SH3KBP1: variants seen among roughly 807,000 people sequenced by gnomAD.
The protein encoded by SH3KBP1 is SH3 domain containing kinase binding protein 1, also known as SH3 domain-containing kinase-binding protein 1.
In SH3KBP1, 8 loss-of-function variants were observed where a neutral mutation model predicts 50.1. The ratio of observed to expected loss-of-function variants is 0.16; its 90% CI spans 0.09 to 0.29. SH3KBP1 has a LOEUF of 0.29. Among genes scored for constraint, SH3KBP1 ranks in the 10% least tolerant of loss-of-function variants. The pLI, the probability that SH3KBP1 is intolerant of heterozygous loss-of-function variation, is 1.00. For synonymous variants in SH3KBP1, 227 were observed against 218.6 expected (o/e 1.04, Z -0.34); for missense variants, 377 against 535.2 (o/e 0.70, Z 2.92).
intron 13 of SH3KBP1, among the ~76,000 whole-genome samples, chrX:19,561,106 T>C (rs1214174867): frequency 9.5e-6 from 1 of 105,398 alleles, no homozygotes; most frequent in African/African-American, 3.5e-5. Context: ...AGCAGTCTGA[T>C]ACTCATAATA....
intron 2 of SH3KBP1, among the ~76,000 whole-genome samples, chrX:19,785,518 A>C (rs2066319105): frequency 9.0e-6 from 1 of 111,344 alleles, no homozygotes; most frequent in Non-Finnish European, 1.9e-5. Flanking sequence ...ACAGAGTGAG[A>C]CCCTGTCTCA....
chrX:19,768,191 G>A (rs1024870571), intron 2 of SH3KBP1, among the ~76,000 whole-genome samples: 2 of 108,973 alleles, frequency 1.8e-5, no homozygotes, highest in African/African-American at 6.7e-5. Flanking sequence ...CAGCTATCTT[G>A]TTGCTGTCTG....
chrX:19,681,527 A>C (rs1391784516), intron 6 of SH3KBP1, among the ~76,000 whole-genome samples: 1 of 112,664 alleles, frequency 8.9e-6, no homozygotes, highest in African/African-American at 3.2e-5. Context: ...AACAAAAATA[A>C]ATCTGTTAGA....
chrX:19,681,582 G>C (rs892932351), intron 6 of SH3KBP1, among the ~76,000 whole-genome samples: 7 of 111,632 alleles, frequency 6.3e-5, no homozygotes, highest in Non-Finnish European at 9.4e-5. Context: ...TACCAGGAAG[G>C]GGGATGGGGT....
At position 19,846,580 on chromosome X, in the gene SH3KBP1, C is replaced by T. The variant is rs201743829; in HGVS notation, c.5-10298G>A. ...ACAAGTGCCTGATTAGAAAGAGATC[C>T]CCTGTTTTTCTCAGTGAGAAGATCC... On this transcript the variant is annotated intron_variant, in intron 1 of 17. Transcript: ENST00000397821. 4.5e-5 allele frequency among the ~76,000 whole-genome samples: 5 copies of T among 111,455 alleles called. No homozygotes were observed. In the East Asian group the frequency reaches 1.4e-3, roughly 31 times the overall value.
At chrX:19,670,283 G>A in intron 6 of SH3KBP1, 3 of 684,244 alleles carry the variant, frequency 4.4e-6, no homozygotes, top group Non-Finnish European at 5.2e-6. Context: ...AAAAAAAGCA[G>A]TTCAATAGCA....
intron 3 of SH3KBP1, among the ~76,000 whole-genome samples, chrX:19,735,776 T>G (rs1603151915): frequency 3.3e-5 from 3 of 89,743 alleles, no homozygotes; most frequent in Admixed American, 1.3e-4. Flanking sequence ...CAGGCTGGAG[T>G]GCAGCGGCGC....
At chrX:19,726,785 C>G (rs1443289644) in intron 3 of SH3KBP1, among the ~76,000 whole-genome samples, 1 of 112,280 alleles carries the variant, frequency 8.9e-6, no homozygotes, top group African/African-American at 3.2e-5. Flanking sequence ...TGTTCTCTCT[C>G]TTTTCTCCAC....
chrX:19,792,396 T>C (rs2066558282), intron 2 of SH3KBP1, among the ~76,000 whole-genome samples: 1 of 111,334 alleles, frequency 9.0e-6, no homozygotes, highest in East Asian at 2.8e-4. Context: ...ATTCTGCATA[T>C]GTATATTTTG....
intron 1 of SH3KBP1, among the ~76,000 whole-genome samples, chrX:19,838,153 GA>G (rs2068112807): frequency 8.9e-6 from 1 of 111,999 alleles, no homozygotes; most frequent in Admixed American, 9.4e-5. Flanking sequence ...GATGATGGGA[GA>G]AAAAAATTAC....
At chrX:19,844,334 C>T (rs1249585743) in intron 1 of SH3KBP1, among the ~76,000 whole-genome samples, 2 of 111,847 alleles carry the variant, frequency 1.8e-5, no homozygotes, top group African/African-American at 6.5e-5. Flanking sequence ...CACCATACGA[C>T]ACCAGGAGTG....
chrX:19,672,255 A>G (rs2062815807), intron 6 of SH3KBP1, among the ~76,000 whole-genome samples: 1 of 111,887 alleles, frequency 8.9e-6, no homozygotes. Flanking sequence ...GAATAAACAA[A>G]TCTCCTGTGT....
chrX:19,728,168 T>C lies in SH3KBP1; in HGVS notation c.286+18150A>G, dbSNP rs761748060. Among the ~76,000 whole-genome samples, 8 of 111,822 alleles carry C rather than the reference T, an allele frequency of 7.2e-5. No individual in the cohort carries two copies. The South Asian group carries it at 2.2e-3, about 31-fold the overall frequency. ...AGAAAAGCTTGGGACCAGAAGTGTC[T>C]TGGATTTCAGATTTTTTTTTCATGT... On this transcript the variant is annotated intron_variant, in intron 3 of 17. Coordinates refer to ENST00000397821, the MANE Select transcript of SH3KBP1 (RefSeq NM_031892.3).
intron 12 of SH3KBP1, among the ~76,000 whole-genome samples, chrX:19,575,300 C>CA (rs35106807): frequency 8.9e-6 from 1 of 112,104 alleles, no homozygotes; most frequent in Admixed American, 9.4e-5. Context: ...AGCTGTCCCT[C>CA]AAGTGGCATT....
intron 1 of SH3KBP1, among the ~76,000 whole-genome samples, chrX:19,840,850 T>C (rs971085433): frequency 3.6e-5 from 4 of 111,520 alleles, no homozygotes; most frequent in African/African-American, 1.3e-4. Context: ...CTTAAGAACA[T>C]CTCCCTGTCA....
At chrX:19,663,423 G>A (rs1467164592) in intron 6 of SH3KBP1, among the ~76,000 whole-genome samples, 1 of 111,461 alleles carries the variant, frequency 9.0e-6, no homozygotes, top group African/African-American at 3.3e-5. Context: ...TTACAATGGA[G>A]AATGTTCATT....
intron 1 of SH3KBP1, among the ~76,000 whole-genome samples, chrX:19,858,087 G>A (rs563934588): frequency 9.0e-6 from 1 of 111,037 alleles, no homozygotes; most frequent in South Asian, 3.8e-4. Context: ...ACTGAGACAG[G>A]AGAATCACTT....
chrX:19,603,794 C>A (rs5955823), intron 9 of SH3KBP1, among the ~76,000 whole-genome samples: 1 of 111,450 alleles, frequency 9.0e-6, no homozygotes, highest in Non-Finnish European at 1.9e-5. Context: ...CCCAAGCGAT[C>A]CCCCAAACTC....
At chrX:19,552,641 C>T (rs1373931745) in intron 13 of SH3KBP1, among the ~76,000 whole-genome samples, 2 of 110,383 alleles carry the variant, frequency 1.8e-5, no homozygotes, top group Non-Finnish European at 3.8e-5. Context: ...GATGAAGTGA[C>T]TAAAGAACAA....
Sources: gnomAD v4.1 joint callset for allele counts (sites outside exome capture counted in the v4.1 genomes callset) on GRCh38, gnomAD v4.1.1 for gene constraint, MANE v1.5 for transcripts, NCBI Gene and HGNC (gene_info 2026-07-23, HGNC 2026-07-21) for gene names.